The following COL12A1 variants were observed in gnomAD, a reference collection of about 807,000 sequenced individuals.
The protein encoded by COL12A1 is collagen type XII alpha 1 chain.
In COL12A1, 114 loss-of-function variants were observed where a neutral mutation model predicts 349.7. The observed-to-expected ratio is 0.33, with a 90% CI of 0.28 to 0.38. The LOEUF is 0.38. Ranked by LOEUF, COL12A1 falls within the 10% of genes least tolerant of loss-of-function variation. The probability of loss-of-function intolerance (pLI) is 1.00; values close to 1 mark genes in which losing one functional copy is unlikely to be tolerated. For synonymous variants in COL12A1, 1,369 were observed against 1,329.0 expected (o/e 1.03, Z -0.66); for missense variants, 3,284 against 3,756.9 (o/e 0.87, Z 3.29).
At chr6:75,157,183 T>C (rs1767807372) in intron 14 of COL12A1, among the ~76,000 whole-genome samples, 1 of 152,138 alleles carries the variant, frequency 6.6e-6, no homozygotes, top group Non-Finnish European at 1.5e-5. Context: ...TATTTCACAA[T>C]TATTAATAAC....
intron 2 of COL12A1, 127 bp from the exon 3 acceptor site, chr6:75,195,074 A>G (rs1582219877): frequency 3.6e-6 from 2 of 553,774 alleles, no homozygotes; most frequent in East Asian, 6.0e-5. Flanking sequence ...TCCAACAAAT[A>G]TAAAAGATAT....
At chr6:75,121,475 C>T (rs757092246) in intron 43 of COL12A1, 34 bp from the exon 44 acceptor site, 3 of 1,484,186 alleles carry the variant, frequency 2.0e-6, no homozygotes, top group Middle Eastern at 1.8e-4. Context: ...AGCCCCAAAT[C>T]TCATGAATTC....
chr6:75,122,131 G>A lies in COL12A1; in HGVS notation c.6947-690C>T, dbSNP rs961771686. Among the ~76,000 whole-genome samples the A allele has an allele frequency of 4.6e-5, 7 of 152,120 alleles. No homozygotes were observed. In the South Asian group the frequency reaches 1.0e-3, roughly 23 times the overall value. On this transcript the variant is annotated intron_variant, in intron 43 of 65. Coordinates refer to ENST00000322507, the MANE Select transcript of COL12A1 (RefSeq NM_004370.6). ...GCTGGGATTACAGGCGTGAGCCACC[G>A]CACCTGGCCAAGTCCTTTGTAAAAT...
chr6:75,106,573 T>G, intron 52 of COL12A1, 77 bp from the exon 53 acceptor site: 1 of 1,254,842 alleles, frequency 8.0e-7, no homozygotes, highest in East Asian at 2.4e-5. Context: ...ATTTTAACAT[T>G]GCCAACTTCT....
At chr6:75,163,834 A>G (rs1225676511) in intron 14 of COL12A1, among the ~76,000 whole-genome samples, 1 of 152,222 alleles carries the variant, frequency 6.6e-6, no homozygotes, top group Non-Finnish European at 1.5e-5. Context: ...TCTCTTGTAG[A>G]CATTTTAAAT....
intron 3 of COL12A1, among the ~76,000 whole-genome samples, chr6:75,194,344 C>A (rs1219654603): frequency 6.6e-6 from 1 of 152,114 alleles, no homozygotes; most frequent in Non-Finnish European, 1.5e-5. Flanking sequence ...AGCCTAGTGT[C>A]GATGGAATCC....
chr6:75,130,268 G>A (rs1311753322), intron 36 of COL12A1, 35 bp from the exon 37 acceptor site: 1 of 1,603,938 alleles, frequency 6.2e-7, no homozygotes, highest in Admixed American at 1.7e-5. Context: ...TTTGTTGCCT[G>A]CCTGTGAGCA....
At chr6:75,112,847 G>T (rs1026188835) in intron 51 of COL12A1, among the ~76,000 whole-genome samples, 1 of 151,326 alleles carries the variant, frequency 6.6e-6, no homozygotes, top group African/African-American at 2.4e-5. Context: ...GCAAGCAGAA[G>T]AAATATTATC....
rs1306668352 is a variant in COL12A1 at position 75,148,391 on chromosome 6, T to G, written c.4254A>C (p.Glu1418Asp). 6.2e-7 allele frequency: 1 copy of G among 1,613,084 alleles called. No homozygotes were observed. The highest frequency in any genetic ancestry group is 1.3e-5 in the African/African-American group (1 of 74,890). Residue 1418 changes from glutamate to aspartate, a missense_variant, in exon 22 of 66, where the codon GAA (glutamate) becomes GAC (aspartate). Glu to Asp is a conservative substitution (Grantham distance 45). This residue lies in a region of COL12A1 where 2,601 missense variants were observed against 2,824.8 expected (regional missense o/e 0.92). Transcript: ENST00000322507. Reference sequence around the variant, plus strand: ...GTTTCCCTCCAGAAACTGGATAGTATTCCACCTTATATCGATCCACACTGT... The same window carrying G: ...GTTTCCCTCCAGAAACTGGATAGTAGTCCACCTTATATCGATCCACACTGT... ...PSDSVDRYKV[E>D]YYPVSGGKRQ...
Position 75,152,335 on chromosome 6 carries a change from A to C in COL12A1, c.3713T>G (p.Ile1238Ser). Reference sequence around the variant, plus strand: ...GCTCCAATGTTGTCAGAACCTACCAATTTGTACTCTTTTGGGGCCAATGTC... The same window carrying C: ...GCTCCAATGTTGTCAGAACCTACCACTTTGTACTCTTTTGGGGCCAATGTC... ...VFDIGPKRVQ[I>S]ALAQYSGDPR... Residue 1238 changes from isoleucine to serine, a missense_variant and splice_region_variant, in exon 18 of 66, where the codon ATT becomes AGT. Transcript: ENST00000322507. 3 of 1,613,576 alleles carry C rather than the reference A, an allele frequency of 1.9e-6. No individual in the cohort carries two copies. Among genetic ancestry groups the C allele is most frequent in the Non-Finnish European group, 1.7e-6 (2 of 1,179,704 alleles).
At chr6:75,103,837 G>A (rs1370374016) in intron 54 of COL12A1, 27 bp from the exon 55 acceptor site, 1 of 1,557,268 alleles carries the variant, frequency 6.4e-7, no homozygotes, top group Non-Finnish European at 8.7e-7. Flanking sequence ...ACATAGTAGT[G>A]TGAACATAGG....
chr6:75,121,137 T>C (rs371266909), intron 44 of COL12A1, among the ~76,000 whole-genome samples, 165 bp downstream of exon 44: 1 of 152,202 alleles, frequency 6.6e-6, no homozygotes, highest in African/African-American at 2.4e-5. Context: ...TATTGATTTA[T>C]CATTTATACC....
chr6:75,143,788 C>A (rs1192519784), intron 25 of COL12A1, among the ~76,000 whole-genome samples: 1 of 151,958 alleles, frequency 6.6e-6, no homozygotes, highest in South Asian at 2.1e-4. Context: ...CCCTCAAGAA[C>A]GTGACAGAAA....
chr6:75,194,743 C>A, intron 3 of COL12A1, 88 bp downstream of exon 3: 2 of 802,196 alleles, frequency 2.5e-6, no homozygotes, highest in South Asian at 2.4e-5. Context: ...TAAAGCACAG[C>A]TTCTTCATGA....
chr6:75,195,789 A>G (rs946243271), intron 2 of COL12A1, among the ~76,000 whole-genome samples: 3 of 152,184 alleles, frequency 2.0e-5, no homozygotes, highest in African/African-American at 7.2e-5. Context: ...TTAAAATGCC[A>G]GTATGGTCCT....
At chr6:75,195,582 A>G (rs1373880047) in intron 2 of COL12A1, among the ~76,000 whole-genome samples, 2 of 152,154 alleles carry the variant, frequency 1.3e-5, no homozygotes, top group African/African-American at 2.4e-5. Flanking sequence ...ATACATTTAA[A>G]TGTATATTCA....
chr6:75,156,215 A>T, intron 15 of COL12A1, 42 bp downstream of exon 15: 1 of 1,590,232 alleles, frequency 6.3e-7, no homozygotes, highest in Non-Finnish European at 8.6e-7. Flanking sequence ...CTTTTAAAAC[A>T]TTACCTTCTC....
chr6:75,141,432 C>T (rs1055524166), intron 27 of COL12A1, among the ~76,000 whole-genome samples: 5 of 152,166 alleles, frequency 3.3e-5, no homozygotes, highest in African/African-American at 7.2e-5. Context: ...CTGCAGCAGA[C>T]GGAGCAGGAA....
At chr6:75,098,184 A>G (rs915830508) in intron 58 of COL12A1, among the ~76,000 whole-genome samples, 5 of 152,216 alleles carry the variant, frequency 3.3e-5, no homozygotes, top group African/African-American at 1.2e-4. Flanking sequence ...ATTTTAACAC[A>G]TGCTCTCAAG....
Sources: gnomAD v4.1 joint callset for allele counts (sites outside exome capture counted in the v4.1 genomes callset) on GRCh38, gnomAD v4.1.1 for gene constraint, gnomAD v4.1.1 regional missense constraint, MANE v1.5 for transcripts, NCBI Gene and HGNC (gene_info 2026-07-23, HGNC 2026-07-21) for gene names.